NRF1: variants seen among roughly 807,000 people sequenced by gnomAD.
The protein encoded by NRF1 is nuclear respiratory factor 1, also known as alpha palindromic-binding protein.
Under a neutral mutation model 58.5 loss-of-function variants are expected in NRF1, and 5 were observed. That is an observed-to-expected ratio of 0.09 (90% CI 0.04 to 0.18). The LOEUF is 0.18. Ranked by LOEUF, NRF1 falls within the 10% of genes least tolerant of loss-of-function variation. NRF1 has a pLI of 1.00. For synonymous variants in NRF1, 224 were observed against 246.7 expected (o/e 0.91, Z 0.86); for missense variants, 288 against 657.7 (o/e 0.44, Z 6.15).
intron 1 of NRF1, among the ~76,000 whole-genome samples, chr7:129,615,368 T>C (rs1394330188): frequency 6.6e-6 from 1 of 152,254 alleles, no homozygotes; most frequent in Non-Finnish European, 1.5e-5. Context: ...GCGCCCTTTC[T>C]GGGCCAGTAA....
At chr7:129,705,452 G>A (rs1299212065) in intron 5 of NRF1, among the ~76,000 whole-genome samples, 1 of 152,058 alleles carries the variant, frequency 6.6e-6, no homozygotes, top group Non-Finnish European at 1.5e-5. Context: ...CACCATGCCT[G>A]GCTAATTTTT....
chr7:129,620,188 T>TA (rs1700556081), intron 1 of NRF1, among the ~76,000 whole-genome samples: 2 of 152,120 alleles, frequency 1.3e-5, no homozygotes, highest in Admixed American at 6.5e-5. Context: ...TTTGGAAAGA[T>TA]ACGAGGAACT....
At chr7:129,745,827 G>A (rs952312683) in intron 10 of NRF1, among the ~76,000 whole-genome samples, 5 of 152,126 alleles carry the variant, frequency 3.3e-5, no homozygotes, top group African/African-American at 1.2e-4. Context: ...CTCCAAAATA[G>A]GTCTTGAGAT....
intron 7 of NRF1, among the ~76,000 whole-genome samples, 182 bp from the exon 8 acceptor site, chr7:129,711,293 T>C (rs1356179573): frequency 1.3e-5 from 2 of 152,188 alleles, no homozygotes; most frequent in East Asian, 3.8e-4. Flanking sequence ...GAAGTAAAAT[T>C]CTGAAACTCG....
chr7:129,643,198 T>C (rs1801333754), intron 1 of NRF1, among the ~76,000 whole-genome samples: 2 of 152,178 alleles, frequency 1.3e-5, no homozygotes, highest in Admixed American at 6.5e-5. Flanking sequence ...AGTTCAGTTA[T>C]TTCAGAAGAA....
At chr7:129,677,799 C>A (rs755359446) in intron 4 of NRF1, 41 bp downstream of exon 4, 1 of 1,607,504 alleles carries the variant, frequency 6.2e-7, no homozygotes, top group Non-Finnish European at 8.5e-7. Context: ...CCTTTGCTTT[C>A]TGTCGGCTGC....
intron 5 of NRF1, among the ~76,000 whole-genome samples, chr7:129,703,706 A>G (rs551744382): frequency 2.0e-5 from 3 of 152,352 alleles, no homozygotes; most frequent in South Asian, 2.1e-4. Flanking sequence ...TTCTTTTGGT[A>G]TAGGGGCAAA....
At chr7:129,636,355 C>T (rs991080427) in intron 1 of NRF1, among the ~76,000 whole-genome samples, 1 of 151,996 alleles carries the variant, frequency 6.6e-6, no homozygotes, top group Admixed American at 6.6e-5. Flanking sequence ...GTGTCTCAGC[C>T]TCTCAAATAG....
chr7:129,693,899 G>A (rs1220903352), intron 5 of NRF1, among the ~76,000 whole-genome samples: 1 of 152,180 alleles, frequency 6.6e-6, no homozygotes, highest in Non-Finnish European at 1.5e-5. Flanking sequence ...GTGTGTTAGG[G>A]TAAAGCAGTC....
chr7:129,746,986 A>G (rs151299469), intron 10 of NRF1, among the ~76,000 whole-genome samples: 5 of 152,300 alleles, frequency 3.3e-5, no homozygotes, highest in African/African-American at 1.2e-4. Flanking sequence ...GTGAGGGCAA[A>G]TGAAAGGCCC....
At chr7:129,692,525 C>T (rs939108150) in intron 5 of NRF1, among the ~76,000 whole-genome samples, 1 of 152,038 alleles carries the variant, frequency 6.6e-6, no homozygotes, top group African/African-American at 2.4e-5. Context: ...TGCACTCCAG[C>T]CTAGGTGACA....
At chr7:129,735,311 C>G in intron 10 of NRF1, 1 of 845,220 alleles carries the variant, frequency 1.2e-6, no homozygotes, top group Non-Finnish European at 1.4e-6. Flanking sequence ...GCGGGCGGAT[C>G]ACAAGGTCAG....
At chr7:129,738,312 A>G (rs1472303929) in intron 10 of NRF1, among the ~76,000 whole-genome samples, 1 of 152,230 alleles carries the variant, frequency 6.6e-6, no homozygotes, top group Non-Finnish European at 1.5e-5. Context: ...TGAGGGGAGT[A>G]TGCAGCGTTG....
chr7:129,647,674 G>A (rs557870507), intron 1 of NRF1, among the ~76,000 whole-genome samples: 2 of 152,268 alleles, frequency 1.3e-5, no homozygotes, highest in East Asian at 3.9e-4. Flanking sequence ...GATTACAGGC[G>A]TGAGCCACCA....
chr7:129,656,080 C>G (rs550568645), intron 1 of NRF1, among the ~76,000 whole-genome samples: 1 of 151,840 alleles, frequency 6.6e-6, no homozygotes, highest in African/African-American at 2.4e-5. Context: ...GTACAGATGT[C>G]TATTCAAGAA....
At chr7:129,722,768 G>C (rs1803357843) in intron 9 of NRF1, among the ~76,000 whole-genome samples, 1 of 152,214 alleles carries the variant, frequency 6.6e-6, no homozygotes, top group Non-Finnish European at 1.5e-5. Flanking sequence ...AAGGCTTGGG[G>C]AGCTGCCCTC....
chr7:129,704,583 G>A (rs545331163), intron 5 of NRF1, among the ~76,000 whole-genome samples: 2 of 152,220 alleles, frequency 1.3e-5, no homozygotes, highest in African/African-American at 4.8e-5. Flanking sequence ...AAGTACGTTG[G>A]ATTTCATATA....
In NRF1 at chr7:129,752,563, A is replaced by G. The variant is rs12537747; in HGVS notation, c.1349-2455A>G. 3.2e-3 allele frequency among the ~76,000 whole-genome samples: 485 copies of G among 152,264 alleles called. 4 individuals carry two copies. The highest frequency in any genetic ancestry group is 0.02 in the Middle Eastern group (6 of 294). ...ATGAGGGGAGTAACATTATGGAAAG[A>G]TATTTTGGCTGGGTGTGGTAGCTCA... On this transcript the variant is annotated intron_variant, in intron 10 of 10. Coordinates refer to ENST00000393232, the MANE Select transcript of NRF1 (RefSeq NM_005011.5).
intron 3 of NRF1, among the ~76,000 whole-genome samples, chr7:129,675,652 A>G (rs1249456380): frequency 6.6e-6 from 1 of 152,208 alleles, no homozygotes. Flanking sequence ...ATGTGCAACA[A>G]TAGTTTGAAA....
Sources: allele counts gnomAD v4.1 joint callset (sites outside exome capture counted in the v4.1 genomes callset), GRCh38; gene constraint gnomAD v4.1.1; transcripts MANE v1.5; gene names NCBI Gene and HGNC (gene_info 2026-07-23, HGNC 2026-07-21).